SMOC1: variants seen among roughly 807,000 people sequenced by gnomAD.
SMOC1 encodes the protein SPARC-related modular calcium-binding protein 1.
A neutral mutation model predicts 56.3 loss-of-function variants in SMOC1; 22 were observed. That is an observed-to-expected ratio of 0.39 (90% CI 0.28 to 0.56). SMOC1 has a LOEUF of 0.56. Among genes scored for constraint, SMOC1 ranks in the 20% least tolerant of loss-of-function variants. The probability of loss-of-function intolerance (pLI) is 0.61; values close to 1 mark genes in which losing one functional copy is unlikely to be tolerated. For missense variants in SMOC1, 509 were observed against 565.4 expected (o/e 0.90, Z 1.01); for synonymous variants, 193 against 215.0 (o/e 0.90, Z 0.89).
chr14:69,931,856 T>C (rs1885173753), intron 1 of SMOC1, among the ~76,000 whole-genome samples: 1 of 152,252 alleles, frequency 6.6e-6, no homozygotes, highest in African/African-American at 2.4e-5. Flanking sequence ...GGAATCTGCC[T>C]TTCTACTTCT....
intron 5 of SMOC1, among the ~76,000 whole-genome samples, chr14:69,988,171 G>A (rs1029030855): frequency 1.3e-5 from 2 of 152,136 alleles, no homozygotes; most frequent in East Asian, 3.8e-4. Context: ...TATTACCGTT[G>A]CTCTTGACAT....
At chr14:69,949,266 C>T (rs776098352) in intron 1 of SMOC1, among the ~76,000 whole-genome samples, 3 of 152,102 alleles carry the variant, frequency 2.0e-5, no homozygotes, top group Non-Finnish European at 4.4e-5. Context: ...GTGGCCCCAG[C>T]GATCCCTGGG....
chr14:69,968,561 CTG>C (rs1883651758), intron 3 of SMOC1, among the ~76,000 whole-genome samples: 1 of 152,194 alleles, frequency 6.6e-6, no homozygotes, highest in Non-Finnish European at 1.5e-5. Flanking sequence ...GCTGAAAATA[CTG>C]CTCTGACATG....
intron 1 of SMOC1, among the ~76,000 whole-genome samples, chr14:69,885,171 T>G (rs1311831316): frequency 6.6e-6 from 1 of 152,172 alleles, no homozygotes; most frequent in Non-Finnish European, 1.5e-5. Flanking sequence ...ACTTGATTCA[T>G]CCTTCAAAAC....
intron 10 of SMOC1, among the ~76,000 whole-genome samples, chr14:70,020,299 C>T (rs535084813): frequency 2.0e-5 from 3 of 152,174 alleles, no homozygotes; most frequent in East Asian, 3.9e-4. Context: ...CACAATCCCT[C>T]ATGGACTCAA....
intron 1 of SMOC1, among the ~76,000 whole-genome samples, chr14:69,880,913 A>G (rs1566658770): frequency 6.6e-6 from 1 of 152,228 alleles, no homozygotes; most frequent in Non-Finnish European, 1.5e-5. Flanking sequence ...AAAGTCTTGC[A>G]ATGCTTGACA....
intron 1 of SMOC1, among the ~76,000 whole-genome samples, chr14:69,922,819 A>G (rs1884882752): frequency 6.6e-6 from 1 of 151,812 alleles, no homozygotes; most frequent in African/African-American, 2.4e-5. Flanking sequence ...ATAACTGAAA[A>G]CCAACAGAAG....
At chr14:69,904,742 C>G (rs1033875915) in intron 1 of SMOC1, among the ~76,000 whole-genome samples, 3 of 152,220 alleles carry the variant, frequency 2.0e-5, no homozygotes, top group Non-Finnish European at 4.4e-5. Flanking sequence ...TTGTGCTCAT[C>G]ATGGAGCCTG....
chr14:69,931,874 G>A (rs770147840), intron 1 of SMOC1, among the ~76,000 whole-genome samples: 5 of 152,204 alleles, frequency 3.3e-5, no homozygotes, highest in Admixed American at 6.5e-5. Flanking sequence ...TCTGATTCTT[G>A]TCATTAGCTG....
At chr14:69,991,792 A>G (rs1203070473) in intron 5 of SMOC1, among the ~76,000 whole-genome samples, 1 of 152,198 alleles carries the variant, frequency 6.6e-6, no homozygotes, top group East Asian at 1.9e-4. Flanking sequence ...GCTATTTCAC[A>G]GTTAGAAGCA....
intron 1 of SMOC1, among the ~76,000 whole-genome samples, chr14:69,940,546 C>T (rs940502964): frequency 6.6e-6 from 1 of 152,190 alleles, no homozygotes; most frequent in Non-Finnish European, 1.5e-5. Flanking sequence ...CAAACCCTTC[C>T]TATCAGATGT....
At chr14:69,976,484 C>T (rs1238648985) in intron 4 of SMOC1, among the ~76,000 whole-genome samples, 1 of 152,172 alleles carries the variant, frequency 6.6e-6, no homozygotes, top group African/African-American at 2.4e-5. Context: ...AGTTAGCAAA[C>T]TATTGCTTTA....
At chr14:69,882,750 G>T (rs557501837) in intron 1 of SMOC1, among the ~76,000 whole-genome samples, 1 of 152,332 alleles carries the variant, frequency 6.6e-6, no homozygotes, top group African/African-American at 2.4e-5. Context: ...CCTTGAAGAT[G>T]GAAAGCTGGG....
intron 1 of SMOC1, among the ~76,000 whole-genome samples, chr14:69,883,992 C>T (rs1424015245): frequency 2.0e-5 from 3 of 146,432 alleles, no homozygotes; most frequent in East Asian, 2.0e-4. Flanking sequence ...CTGCAAGCTC[C>T]GCTTCCCGGG....
chr14:69,948,639 G>A (rs973661527), intron 1 of SMOC1, among the ~76,000 whole-genome samples: 7 of 152,136 alleles, frequency 4.6e-5, no homozygotes, highest in Non-Finnish European at 1.0e-4. Context: ...GGCAACCTCA[G>A]TGGGTTTGAA....
chr14:70,002,856 T>G (rs1157789497), intron 7 of SMOC1, among the ~76,000 whole-genome samples: 1 of 152,224 alleles, frequency 6.6e-6, no homozygotes, highest in Non-Finnish European at 1.5e-5. Context: ...CCATAAATCA[T>G]GGAGTGCAGC....
intron 3 of SMOC1, among the ~76,000 whole-genome samples, chr14:69,964,911 C>T (rs1336460247): frequency 6.6e-6 from 1 of 152,114 alleles, no homozygotes; most frequent in African/African-American, 2.4e-5. Flanking sequence ...CTCCAGAGTT[C>T]TTGATCCTAA....
At chr14:70,012,250 C>T (rs1173328995) in intron 9 of SMOC1, among the ~76,000 whole-genome samples, 3 of 152,158 alleles carry the variant, frequency 2.0e-5, no homozygotes, top group Non-Finnish European at 4.4e-5. Flanking sequence ...ATTTTCCACA[C>T]GAGGTTTGTA....
intron 1 of SMOC1, among the ~76,000 whole-genome samples, chr14:69,883,889 A>AT (rs34300667): frequency 0.48 from 31,206 of 65,018 alleles, 13,127 homozygotes; most frequent in East Asian, 0.73. Flanking sequence ...GATGTTGAGC[A>AT]TTTTTTTTTT....
Sources: gnomAD v4.1 joint callset for allele counts (sites outside exome capture counted in the v4.1 genomes callset) on GRCh38, gnomAD v4.1.1 for gene constraint, MANE v1.5 for transcripts, NCBI Gene and HGNC (gene_info 2026-07-23, HGNC 2026-07-21) for gene names.